TNFSF10: variants seen among roughly 807,000 people sequenced by gnomAD.
The protein encoded by TNFSF10 is TNF superfamily member 10, also known as tumor necrosis factor ligand superfamily member 10.
TNFSF10 carries 13 observed loss-of-function variants against 29.5 expected under a neutral mutation model. The ratio of observed to expected loss-of-function variants is 0.44; its 90% CI spans 0.29 to 0.70. The LOEUF (loss-of-function observed/expected upper bound fraction) is 0.70, where lower values mean the gene tolerates loss of function less well. Ranked by LOEUF, TNFSF10 falls within the 30% of genes least tolerant of loss-of-function variation. The pLI is 0.13. For synonymous variants in TNFSF10, 111 were observed against 112.8 expected, an observed-to-expected ratio of 0.98 and a Z score of 0.10; for missense variants, 345 against 330.9, an observed-to-expected ratio of 1.04 and a Z score of -0.33.
intron 2 of TNFSF10, among the ~76,000 whole-genome samples, chr3:172,513,280 G>GGACAATCGCACCTCCACCCTCCCC (rs1458989815): frequency 2.0e-5 from 3 of 152,136 alleles, no homozygotes; most frequent in Non-Finnish European, 4.4e-5. Flanking sequence ...CTGCCCTGCT[G>GGACAATCGCACCTCCACCCTCCCC]GACAATCGCA....
rs1712995419 is a variant in TNFSF10, at chr3:172,506,635, C to T, written c.703G>A (p.Ala235Thr). Residue 235 changes from alanine (A) to threonine (T), a missense_variant, in exon 5 of 5, where the codon GCA (alanine) becomes ACA (threonine). Transcript: ENST00000241261. ...SARNSCWSKD[A>T]EYGLYSIYQG... ...TAGATGGAATAGAGTCCATATTCTG[C>T]ATCTTTAGACCAACAACTATTTCTA... is the stretch of plus-strand genomic sequence containing the variant. 1.9e-6 allele frequency: 3 copies of T among 1,614,162 alleles called. No individual in the cohort carries two copies. Among genetic ancestry groups the T allele is most frequent in the Non-Finnish European group, 2.5e-6 (3 of 1,180,024 alleles).
At chr3:172,516,233 T>C (rs1216543516) in intron 1 of TNFSF10, among the ~76,000 whole-genome samples, 8 of 145,868 alleles carry the variant, frequency 5.5e-5, no homozygotes, top group South Asian at 2.1e-4. Context: ...CATTGCACTC[T>C]AGCCTGGGCA....
intron 3 of TNFSF10, among the ~76,000 whole-genome samples, chr3:172,510,087 A>G (rs1389903547): frequency 1.3e-5 from 2 of 152,296 alleles, no homozygotes; most frequent in African/African-American, 4.8e-5. Flanking sequence ...TTCTTTCATC[A>G]AACAGACAGT....
At chr3:172,517,737 G>A in intron 1 of TNFSF10, 6 of 983,988 alleles carry the variant, frequency 6.1e-6, no homozygotes, top group Non-Finnish European at 7.2e-6. Context: ...AATTATACAT[G>A]GATAGCATGG....
chr3:172,514,651 C>T (rs1192348506), intron 2 of TNFSF10, among the ~76,000 whole-genome samples: 2 of 152,176 alleles, frequency 1.3e-5, no homozygotes, highest in Non-Finnish European at 2.9e-5. Context: ...AACTCTAGAC[C>T]AGGAGTCGGC....
chr3:172,520,175 A>G (rs1713623880), intron 1 of TNFSF10, among the ~76,000 whole-genome samples: 1 of 152,248 alleles, frequency 6.6e-6, no homozygotes, highest in Non-Finnish European at 1.5e-5. Flanking sequence ...GTTTATTTTC[A>G]GCAATTTTGC....
intron 2 of TNFSF10, among the ~76,000 whole-genome samples, chr3:172,513,623 T>A (rs575770909): frequency 6.6e-6 from 1 of 152,334 alleles, no homozygotes; most frequent in African/African-American, 2.4e-5. Flanking sequence ...GCTTGATCCC[T>A]AACCACCAAC....
Position 172,509,324 on chromosome 3 carries a change from A to G in TNFSF10, c.314-3T>C. 6.2e-7 allele frequency: 1 copy of G among 1,612,382 alleles called. No individual in the cohort carries two copies. Among genetic ancestry groups the G allele is most frequent in the South Asian group, 1.1e-5 (1 of 90,906 alleles). The stretch of plus-strand genomic sequence containing the variant: ...GGGAGAAATATTTTGTTGCTTTTCT[A>G]AAAGAGAAATGATAAAGGGTCATCA... On this transcript the variant is annotated splice_region_variant and splice_polypyrimidine_tract_variant and intron_variant, in intron 3 of 4. Transcript: ENST00000241261.
In TNFSF10 at chr3:172,509,254, A is replaced by G. The variant is rs1713120881; in HGVS notation, c.381T>C (p.Thr127=). 3 of 1,613,924 alleles carry G rather than the reference A, an allele frequency of 1.9e-6. No homozygotes were observed. The highest frequency in any genetic ancestry group is 2.5e-6 in the Non-Finnish European group (3 of 1,179,916). ...RGPQRVAAHI[T]GTRGRSNTLS... is the part of the protein sequence containing the mutation. The stretch of plus-strand genomic sequence containing the variant: ...ATGTGTTGCTTCTTCCTCTGGTCCC[A>G]GTTATGTGAGCTGCTACTCTCTGAG... The change falls in exon 4 of 5, where the codon ACT becomes ACC. Residue 127 remains threonine (T), a synonymous_variant. Transcript: ENST00000241261.
chr3:172,522,122 TGGGTGCAGCAAAC>T (rs1713724569), intron 1 of TNFSF10: 1 of 263,546 alleles, frequency 3.8e-6, no homozygotes, highest in African/African-American at 2.2e-5. Flanking sequence ...GATGGGTTGA[TGGGTGCAGCAAAC>T]CACCATGGCA....
chr3:172,513,675 C>A (rs894179218), intron 2 of TNFSF10, among the ~76,000 whole-genome samples: 1 of 152,212 alleles, frequency 6.6e-6, no homozygotes, highest in Non-Finnish European at 1.5e-5. Context: ...GAACACCAAA[C>A]AATGGACTTA....
intron 1 of TNFSF10, chr3:172,517,381 G>A: frequency 1.0e-6 from 1 of 985,364 alleles, no homozygotes; most frequent in South Asian, 4.7e-5. Context: ...GTAAGGTCCT[G>A]GGTATAAGTG....
Position 172,523,319 on chromosome 3 carries a change from G to A in TNFSF10, c.66C>T (p.Phe22=), listed in dbSNP as rs763670078. ...CACAGAGAGACTGCAGGAGCACTGT[G>A]AAGATCACGATCAGCACGCAGGTCT... is the stretch of plus-strand genomic sequence containing the variant. ...LGQTCVLIVI[F]TVLLQSLCVA... Residue 22 remains phenylalanine (F), a synonymous_variant, in exon 1 of 5, where the codon TTC becomes TTT. Transcript: ENST00000241261. 6 of 1,614,140 alleles carry A rather than the reference G, an allele frequency of 3.7e-6. 1 individual carries two copies. In the South Asian group the frequency reaches 5.5e-5, roughly 15 times the overall value.
intron 2 of TNFSF10, 73 bp from the exon 3 acceptor site, chr3:172,511,732 A>G: frequency 7.6e-7 from 1 of 1,312,558 alleles, no homozygotes; most frequent in African/African-American, 1.5e-5. Flanking sequence ...CCTATGGCTC[A>G]TCTTGCTGAT....
chr3:172,517,826 C>T, intron 1 of TNFSF10: 6 of 983,348 alleles, frequency 6.1e-6, no homozygotes, highest in Non-Finnish European at 6.0e-6. Context: ...ATAATCATAC[C>T]ATCTAGAGAT....
chr3:172,515,315 T>C (rs1024937470), intron 1 of TNFSF10, among the ~76,000 whole-genome samples: 1 of 152,160 alleles, frequency 6.6e-6, no homozygotes, highest in Non-Finnish European at 1.5e-5. Flanking sequence ...CCTGTGTCTG[T>C]TTATAGTTTT....
intron 4 of TNFSF10, 23 bp downstream of exon 4, chr3:172,509,194 C>A: frequency 6.3e-7 from 1 of 1,583,982 alleles, no homozygotes; most frequent in South Asian, 1.1e-5. Context: ...TCCCTTAAGT[C>A]ACTTATTTGT....
chr3:172,518,379 G>A (rs1455409021), intron 1 of TNFSF10: 9 of 1,288,228 alleles, frequency 7.0e-6, no homozygotes, highest in Non-Finnish European at 9.1e-6. Flanking sequence ...GGTCAGCAGG[G>A]TAGACTCAGC....
In TNFSF10 at chr3:172,506,775, G is replaced by A; in HGVS notation, c.563C>T (p.Thr188Ile). Reference sequence around the variant, plus strand: ...TATTTCCTCCTGAAATCGAAAGTATGTTTGGGAATAGATGTAGTAAAACCC... The same window carrying A: ...TATTTCCTCCTGAAATCGAAAGTATATTTGGGAATAGATGTAGTAAAACCC... ...EKGFYYIYSQ[T>I]YFRFQEEIKE... Residue 188 changes from threonine to isoleucine, a missense_variant, in exon 5 of 5, where the codon ACA (threonine) becomes ATA (isoleucine). Coordinates refer to ENST00000241261, the MANE Select transcript of TNFSF10 (RefSeq NM_003810.4). 1 of 1,614,182 alleles carries A rather than the reference G, an allele frequency of 6.2e-7. No homozygotes were observed. The highest frequency in any genetic ancestry group is 8.5e-7 in the Non-Finnish European group (1 of 1,180,038).
Sources: allele counts gnomAD v4.1 joint callset (sites outside exome capture counted in the v4.1 genomes callset), GRCh38; gene constraint gnomAD v4.1.1; transcripts MANE v1.5; gene names NCBI Gene and HGNC (gene_info 2026-07-23, HGNC 2026-07-21).